The following ASPRV1 variants were observed in gnomAD, a reference collection of about 807,000 sequenced individuals.
ASPRV1 encodes the protein aspartic peptidase retroviral like 1.
In ASPRV1, 7 loss-of-function variants were observed where a neutral mutation model predicts 11.0. The ratio of observed to expected loss-of-function variants is 0.64; its 90% confidence interval spans 0.36 to 1.20. The LOEUF (loss-of-function observed/expected upper bound fraction) is 1.20. Ranked by LOEUF, ASPRV1 falls within the 50% of genes most tolerant of loss-of-function variation. The pLI is 0.02. For synonymous variants in ASPRV1, 136 were observed against 138.4 expected (o/e 0.98, Z 0.12); for missense variants, 299 against 320.0 (o/e 0.93, Z 0.50).
the ASPRV1 span, among the ~76,000 whole-genome samples, chr2:70,041,803 C>T: frequency 2.0e-5 from 3 of 152,132 alleles, no homozygotes; most frequent in East Asian, 1.9e-4. Flanking sequence ...ATTGCATTTA[C>T]CACTTCCTGT....
At chr2:69,979,669 G>C in the ASPRV1 span, among the ~76,000 whole-genome samples, 2 of 152,122 alleles carry the variant, frequency 1.3e-5, no homozygotes, top group East Asian at 3.9e-4. Flanking sequence ...CACATTTCTG[G>C]GCAACCTCCT....
the ASPRV1 span, among the ~76,000 whole-genome samples, chr2:70,063,270 G>A: frequency 6.6e-6 from 1 of 152,126 alleles, no homozygotes; most frequent in East Asian, 1.9e-4. Context: ...TAAGAGCCAG[G>A]TCAGAAACCT....
At chr2:70,043,072 T>C in the ASPRV1 span, among the ~76,000 whole-genome samples, 2 of 152,130 alleles carry the variant, frequency 1.3e-5, no homozygotes, top group Non-Finnish European at 2.9e-5. Context: ...ATTCTAATCA[T>C]AAAGGCAGTT....
chr2:69,954,916 G>C, the ASPRV1 span, among the ~76,000 whole-genome samples: 2 of 152,186 alleles, frequency 1.3e-5, no homozygotes, highest in South Asian at 2.1e-4. Context: ...GACAGGAAGA[G>C]CACCACATGT....
chr2:70,077,425 T>C, the ASPRV1 span: 1 of 152,192 alleles, frequency 6.6e-6, no homozygotes, highest in African/African-American at 2.4e-5. Context: ...AACATGTTAC[T>C]CTATAAAAAG....
At chr2:70,058,038 C>T in the ASPRV1 span, among the ~76,000 whole-genome samples, 1 of 152,148 alleles carries the variant, frequency 6.6e-6, no homozygotes, top group Non-Finnish European at 1.5e-5. Context: ...CCACCTCAAC[C>T]TCCCCAAGTG....
chr2:70,064,518 T>C, the ASPRV1 span, among the ~76,000 whole-genome samples: 1 of 152,192 alleles, frequency 6.6e-6, no homozygotes. Flanking sequence ...ATAACTTAGA[T>C]GATGAATAGG....
chr2:70,054,520 T>C, the ASPRV1 span, among the ~76,000 whole-genome samples: 1 of 151,614 alleles, frequency 6.6e-6, no homozygotes, highest in Non-Finnish European at 1.5e-5. Context: ...GAGTTTGCAG[T>C]GAGCCGAGAT....
chr2:70,056,690 G>C, the ASPRV1 span: 1 of 149,036 alleles, frequency 6.7e-6, no homozygotes, highest in African/African-American at 2.5e-5. Flanking sequence ...AAATGGTTAA[G>C]ATGGTAAATT....
the ASPRV1 span, chr2:69,937,215 A>G: frequency 1.2e-3 from 1,971 of 1,611,920 alleles, 16 homozygotes; most frequent in African/African-American, 0.022. Flanking sequence ...GGGCCCAACA[A>G]CTACCCCTTT....
chr2:69,990,886 C>G, the ASPRV1 span, among the ~76,000 whole-genome samples: 1 of 152,188 alleles, frequency 6.6e-6, no homozygotes, highest in Non-Finnish European at 1.5e-5. Context: ...TACGCAGCCT[C>G]TAAGATCCCT....
At chr2:69,951,923 T>G in the ASPRV1 span, among the ~76,000 whole-genome samples, 1 of 152,240 alleles carries the variant, frequency 6.6e-6, no homozygotes, top group African/African-American at 2.4e-5. Flanking sequence ...GTTAATAACT[T>G]ATACACTGCT....
chr2:70,011,902 G>C, the ASPRV1 span: 1 of 152,682 alleles, frequency 6.5e-6, no homozygotes, highest in African/African-American at 2.4e-5. Context: ...GGAAAAGCAG[G>C]AGCTGAAAGC....
chr2:70,074,594 G>A, the ASPRV1 span, among the ~76,000 whole-genome samples: 1 of 151,510 alleles, frequency 6.6e-6, no homozygotes, highest in African/African-American at 2.4e-5. Context: ...TTTGTTTAAT[G>A]AATAAGGACC....
chr2:70,053,391 C>A, the ASPRV1 span, among the ~76,000 whole-genome samples: 1 of 152,070 alleles, frequency 6.6e-6, no homozygotes, highest in African/African-American at 2.4e-5. Flanking sequence ...TGAGTGGAGG[C>A]AGGGCACTCA....
chr2:70,055,333 G>A, the ASPRV1 span, among the ~76,000 whole-genome samples: 1 of 151,900 alleles, frequency 6.6e-6, no homozygotes, highest in African/African-American at 2.4e-5. Flanking sequence ...ACACGCACAC[G>A]TATGTTTATT....
chr2:69,985,380 T>C, the ASPRV1 span, among the ~76,000 whole-genome samples: 1 of 152,208 alleles, frequency 6.6e-6, no homozygotes, highest in South Asian at 2.1e-4. Context: ...TGACGCACAT[T>C]CTTCCCATCT....
At chr2:70,035,170 G>A in the ASPRV1 span, among the ~76,000 whole-genome samples, 54 of 152,296 alleles carry the variant, frequency 3.5e-4, no homozygotes, top group East Asian at 9.8e-3. Flanking sequence ...CTCTCTGGGC[G>A]AGATCCAGGT....
chr2:70,019,418 T>C, the ASPRV1 span, among the ~76,000 whole-genome samples: 4 of 152,326 alleles, frequency 2.6e-5, no homozygotes, highest in South Asian at 4.1e-4. Context: ...TGGGCATATA[T>C]CTAAGGGAAA....
Sources: allele counts gnomAD v4.1 joint callset (sites outside exome capture counted in the v4.1 genomes callset), GRCh38; gene constraint gnomAD v4.1.1; transcripts MANE v1.5; gene names NCBI Gene and HGNC (gene_info 2026-07-23, HGNC 2026-07-21).